SDC4: variants seen among roughly 807,000 people sequenced by gnomAD.
The protein encoded by SDC4 is syndecan-4.
Under a neutral mutation model 20.5 loss-of-function variants are expected in SDC4, and 17 were observed. That is an observed-to-expected ratio of 0.83 (90% CI 0.57 to 1.25). SDC4 has a LOEUF of 1.25. Among genes scored for constraint, SDC4 ranks in the 50% most tolerant of loss-of-function variants. SDC4 has a pLI of 0.00. For synonymous variants in SDC4, 107 were observed against 105.3 expected, an observed-to-expected ratio of 1.02 and a Z score of -0.10; for missense variants, 241 against 252.3, an observed-to-expected ratio of 0.96 and a Z score of 0.30.
intron 1 of SDC4, among the ~76,000 whole-genome samples, chr20:45,336,242 G>A (rs565057893): frequency 1.6e-4 from 25 of 152,082 alleles, no homozygotes; most frequent in South Asian, 4.1e-4. Context: ...GTGAAACCCC[G>A]TCTCTACTAA....
chr20:45,343,971 G>T (rs1427572844), intron 1 of SDC4, among the ~76,000 whole-genome samples: 1 of 152,170 alleles, frequency 6.6e-6, no homozygotes, highest in Non-Finnish European at 1.5e-5. Flanking sequence ...GACTTCGCAC[G>T]TCTGGAGTTA....
intron 1 of SDC4, among the ~76,000 whole-genome samples, chr20:45,336,973 A>G (rs1475524122): frequency 6.6e-6 from 1 of 151,512 alleles, no homozygotes; most frequent in Non-Finnish European, 1.5e-5. Flanking sequence ...CCACTCCAGT[A>G]CCCATAATCA....
intron 2 of SDC4, 144 bp downstream of exon 2, chr20:45,335,638 T>C (rs1758555635): frequency 1.2e-6 from 1 of 823,384 alleles, no homozygotes; most frequent in East Asian, 2.5e-5. Flanking sequence ...TACTTTTGTT[T>C]CCCCTTTTTT....
intron 2 of SDC4, among the ~76,000 whole-genome samples, chr20:45,333,766 C>G (rs1044201918): frequency 6.6e-6 from 1 of 152,164 alleles, no homozygotes. Context: ...CTTTCCATTA[C>G]AATGCTTAAA....
intron 1 of SDC4, among the ~76,000 whole-genome samples, chr20:45,341,330 T>C (rs1600733502): frequency 6.6e-6 from 1 of 152,176 alleles, no homozygotes; most frequent in Non-Finnish European, 1.5e-5. Flanking sequence ...TAGGTTATCA[T>C]TTTGCTTCTG....
At chr20:45,329,804 C>A (rs866477118) in intron 4 of SDC4, among the ~76,000 whole-genome samples, 26 of 152,212 alleles carry the variant, frequency 1.7e-4, no homozygotes, top group African/African-American at 6.0e-4. Flanking sequence ...TCAACTGAGG[C>A]CAAATCGGAA....
intron 1 of SDC4, 108 bp from the exon 2 acceptor site, chr20:45,336,028 C>T: frequency 7.8e-7 from 1 of 1,282,632 alleles, no homozygotes; most frequent in East Asian, 2.4e-5. Context: ...GAGACCAGGC[C>T]AGGGCCTGGA....
At chr20:45,336,656 G>C (rs752636484) in intron 1 of SDC4, among the ~76,000 whole-genome samples, 2 of 151,976 alleles carry the variant, frequency 1.3e-5, no homozygotes, top group Non-Finnish European at 2.9e-5. Context: ...ACAGGGCCCT[G>C]GGATGCTACA....
intron 1 of SDC4, 83 bp downstream of exon 1, chr20:45,348,242 C>CCA (rs1723873038): frequency 1.6e-6 from 2 of 1,217,122 alleles, no homozygotes; most frequent in Non-Finnish European, 2.4e-6. Flanking sequence ...TCTGCCCCCC[C>CCA]CCATCCCACG....
chr20:45,335,796 C>CCAGACAGCT lies in SDC4; in HGVS notation c.176_184dup (p.Glu59_Ser61dup), dbSNP rs1194940191. The CCAGACAGCT allele has an allele frequency of 2.5e-6, 4 of 1,613,730 alleles. No individual in the cohort carries two copies. The East Asian group carries it at 8.9e-5, about 36-fold the overall frequency. ...ACCTTCCGTACCCAGATCTCCAGAG[C>CCAGACAGCT]CAGACAGCTCAAAGTCATCAGATTC... is the stretch of plus-strand genomic sequence containing the variant. On this transcript the variant is annotated inframe_insertion, in exon 2 of 5. Transcript: ENST00000372733.
At chr20:45,338,244 G>A (rs1436433967) in intron 1 of SDC4, among the ~76,000 whole-genome samples, 1 of 152,208 alleles carries the variant, frequency 6.6e-6, no homozygotes, top group African/African-American at 2.4e-5. Flanking sequence ...TAGCCACACT[G>A]GGCCAGAACC....
At chr20:45,327,713 G>A (rs188564725) in intron 4 of SDC4, among the ~76,000 whole-genome samples, 335 of 152,248 alleles carry the variant, frequency 2.2e-3, no homozygotes, top group African/African-American at 7.4e-3. Context: ...GCGTGATCTC[G>A]GCTTACTGCA....
Position 45,327,216 on chromosome 20 carries a change from C to T in SDC4, c.*48G>A. 6.2e-7 allele frequency: 1 copy of T among 1,609,688 alleles called. No homozygotes were observed. Among genetic ancestry groups the T allele is most frequent in the Non-Finnish European group, 8.5e-7 (1 of 1,176,918 alleles). ...CCTAATGTCCACCCTTCAAAATCCCCTGGCTTCCCTCCCCGCTAAAGTCCA... is the reference window on the plus strand; with the variant it reads ...CCTAATGTCCACCCTTCAAAATCCCTTGGCTTCCCTCCCCGCTAAAGTCCA... On this transcript the variant is annotated 3_prime_UTR_variant, in exon 5 of 5. Coordinates refer to ENST00000372733, the MANE Select transcript of SDC4 (RefSeq NM_002999.4).
At chr20:45,342,890 G>A (rs1429806497) in intron 1 of SDC4, among the ~76,000 whole-genome samples, 2 of 152,178 alleles carry the variant, frequency 1.3e-5, no homozygotes, top group African/African-American at 2.4e-5. Flanking sequence ...CTCTGGCCGG[G>A]TTAAGAACCC....
intron 4 of SDC4, among the ~76,000 whole-genome samples, chr20:45,328,542 C>T (rs1274820835): frequency 6.6e-6 from 1 of 152,152 alleles, no homozygotes; most frequent in East Asian, 1.9e-4. Flanking sequence ...AGAGGAGAAC[C>T]TGCCTAGTGT....
At chr20:45,330,710 G>A in intron 3 of SDC4, 146 bp from the exon 4 acceptor site, 1 of 688,940 alleles carries the variant, frequency 1.5e-6, no homozygotes, top group Non-Finnish European at 2.4e-6. Context: ...TGGCAACACT[G>A]TCTCCACAAT....
At chr20:45,329,722 GGA>G (rs1415523718) in intron 4 of SDC4, among the ~76,000 whole-genome samples, 1 of 152,176 alleles carries the variant, frequency 6.6e-6, no homozygotes, top group Non-Finnish European at 1.5e-5. Context: ...ATGACCTTGG[GGA>G]GTTCCCTCCA....
intron 4 of SDC4, among the ~76,000 whole-genome samples, chr20:45,329,322 C>G (rs956967293): frequency 6.6e-6 from 1 of 152,240 alleles, no homozygotes; most frequent in Non-Finnish European, 1.5e-5. Flanking sequence ...GTATAAGAAG[C>G]AGGTGCTTAG....
chr20:45,327,590 A>G (rs1395571617), intron 4 of SDC4, among the ~76,000 whole-genome samples, 175 bp from the exon 5 acceptor site: 1 of 152,264 alleles, frequency 6.6e-6, no homozygotes, highest in Non-Finnish European at 1.5e-5. Context: ...CCCAGTTATA[A>G]GAAGTGGGTC....
Sources: gnomAD v4.1 joint callset for allele counts (sites outside exome capture counted in the v4.1 genomes callset) on GRCh38, gnomAD v4.1.1 for gene constraint, MANE v1.5 for transcripts, NCBI Gene and HGNC (gene_info 2026-07-23, HGNC 2026-07-21) for gene names.